The following SESTD1 variants were observed in gnomAD, a reference collection of about 807,000 sequenced individuals.
SESTD1 encodes the protein SEC14 and spectrin domain containing 1, also known as SEC14 domain and spectrin repeat-containing protein 1.
Under a neutral mutation model 101.7 loss-of-function variants are expected in SESTD1, and 43 were observed. The ratio of observed to expected loss-of-function variants is 0.42; its 90% CI spans 0.33 to 0.55. The LOEUF is 0.55. Ranked by LOEUF, SESTD1 falls within the 20% of genes least tolerant of loss-of-function variation. The pLI is 0.07. For missense variants in SESTD1, 647 were observed against 815.1 expected, an observed-to-expected ratio of 0.79 and a Z score of 2.51; for synonymous variants, 283 against 286.8, an observed-to-expected ratio of 0.99 and a Z score of 0.13.
At chr2:179,166,829 A>G (rs2045843622) in intron 5 of SESTD1, among the ~76,000 whole-genome samples, 1 of 152,240 alleles carries the variant, frequency 6.6e-6, no homozygotes, top group African/African-American at 2.4e-5. Flanking sequence ...TGGTGCACTG[A>G]GGAAAATAAT....
intron 1 of SESTD1, among the ~76,000 whole-genome samples, chr2:179,227,698 A>G (rs2046909312): frequency 6.6e-6 from 1 of 152,166 alleles, no homozygotes; most frequent in Non-Finnish European, 1.5e-5. Context: ...CTTAGGTAGG[A>G]GGCACCGAAG....
intron 1 of SESTD1, among the ~76,000 whole-genome samples, chr2:179,244,020 AGGC>A (rs2047193906): frequency 6.6e-6 from 1 of 151,358 alleles, no homozygotes; most frequent in African/African-American, 2.4e-5. Context: ...GCTACTTGGG[AGGC>A]TCCAGCAGGA....
chr2:179,115,277 T>A, intron 15 of SESTD1, 21 bp from the exon 16 acceptor site: 1 of 1,539,656 alleles, frequency 6.5e-7, no homozygotes, highest in Non-Finnish European at 8.7e-7. Flanking sequence ...AAAGGAAACA[T>A]AAAATTGTAA....
At chr2:179,154,393 G>C (rs935537901) in intron 5 of SESTD1, among the ~76,000 whole-genome samples, 8 of 152,114 alleles carry the variant, frequency 5.3e-5, no homozygotes, top group African/African-American at 1.9e-4. Context: ...TTACTGGATA[G>C]ACAAATAATA....
At chr2:179,165,011 A>G (rs1013663389) in intron 5 of SESTD1, among the ~76,000 whole-genome samples, 2 of 152,208 alleles carry the variant, frequency 1.3e-5, no homozygotes, top group African/African-American at 4.8e-5. Flanking sequence ...ACCAAGAAAA[A>G]TAATTTGCAA....
At chr2:179,231,740 A>C (rs1433008412) in intron 1 of SESTD1, among the ~76,000 whole-genome samples, 1 of 151,524 alleles carries the variant, frequency 6.6e-6, no homozygotes, top group African/African-American at 2.4e-5. Context: ...AAAATTTAAA[A>C]AATTTAAAAA....
rs199968962 is a variant in SESTD1, at chr2:179,204,111, CAT to C, written c.-25-12247_-25-12246del. On this transcript the variant is annotated intron_variant, in intron 1 of 17. Transcript: ENST00000428443. ...GAGAAATATTGTCATTGAAAAGTTT[CAT>C]ATATATATATACACACACATACACG... Among the ~76,000 whole-genome samples the C allele has an allele frequency of 2.3e-5, 3 of 131,642 alleles. 1 individual carries two copies. The highest frequency in any genetic ancestry group is 6.1e-5 in the African/African-American group (2 of 33,040). The allele number at this position is 131,642 out of a possible 152,430, so 86.4% of individuals were successfully genotyped here.
chr2:179,180,087 A>G (rs2046081192), intron 3 of SESTD1, among the ~76,000 whole-genome samples: 1 of 152,156 alleles, frequency 6.6e-6, no homozygotes, highest in Non-Finnish European at 1.5e-5. Context: ...AATATCCAAA[A>G]TACTGTACAC....
intron 1 of SESTD1, among the ~76,000 whole-genome samples, chr2:179,253,685 T>C (rs187004671): frequency 8.5e-5 from 13 of 152,184 alleles, no homozygotes; most frequent in Non-Finnish European, 4.4e-5. Flanking sequence ...CATATGCATA[T>C]ATATAAAATA....
At chr2:179,146,042 G>GC (rs1477847774) in intron 8 of SESTD1, among the ~76,000 whole-genome samples, 3 of 150,772 alleles carry the variant, frequency 2.0e-5, no homozygotes, top group Admixed American at 2.0e-4. Context: ...CAGGAGGTGA[G>GC]CGGCAGGCCA....
intron 1 of SESTD1, among the ~76,000 whole-genome samples, chr2:179,228,660 C>G (rs2046927624): frequency 6.6e-6 from 1 of 152,192 alleles, no homozygotes; most frequent in Non-Finnish European, 1.5e-5. Context: ...AGTTTCATAA[C>G]TCATGGGTTA....
intron 1 of SESTD1, among the ~76,000 whole-genome samples, chr2:179,241,831 A>T (rs893489667): frequency 6.6e-6 from 1 of 151,790 alleles, no homozygotes. Context: ...CTGAGGCAGG[A>T]GAATGGCATG....
chr2:179,264,249 G>A (rs1481513400), intron 1 of SESTD1: 1 of 152,060 alleles, frequency 6.6e-6, no homozygotes, highest in Non-Finnish European at 1.5e-5. Context: ...CGGCCCGCAG[G>A]GCTCCCACCT....
chr2:179,254,068 T>G (rs1350744259), intron 1 of SESTD1, among the ~76,000 whole-genome samples: 1 of 151,768 alleles, frequency 6.6e-6, no homozygotes, highest in Non-Finnish European at 1.5e-5. Flanking sequence ...CCACTGCACT[T>G]CAGCCTGGGT....
In SESTD1 at chr2:179,112,130, A is replaced by G. The variant is rs577014606; in HGVS notation, c.1961+594T>C. ...AAGATAATCAGGACCCCATTCCTTC[A>G]CACATAAAGAAATTAGAACGCCATA... is the stretch of plus-strand genomic sequence containing the variant. On this transcript the variant is annotated intron_variant, in intron 17 of 17. Transcript: ENST00000428443. Among the ~76,000 whole-genome samples the G allele has an allele frequency of 1.1e-4, 17 of 152,302 alleles. No individual in the cohort carries two copies. In the East Asian group the frequency reaches 1.2e-3, roughly 10 times the overall value.
chr2:179,161,016 ATCC>A (rs1185107423), intron 5 of SESTD1, among the ~76,000 whole-genome samples: 1 of 150,882 alleles, frequency 6.6e-6, no homozygotes, highest in Non-Finnish European at 1.5e-5. Flanking sequence ...AGCTCAAGTG[ATCC>A]TCCCTTCTCA....
chr2:179,112,680 G>C, intron 17 of SESTD1, 44 bp downstream of exon 17: 1 of 1,536,610 alleles, frequency 6.5e-7, no homozygotes, highest in Non-Finnish European at 8.7e-7. Flanking sequence ...TTCACTTTAA[G>C]ACCACACCAA....
intron 17 of SESTD1, among the ~76,000 whole-genome samples, chr2:179,111,919 C>T (rs1273439685): frequency 2.6e-5 from 4 of 151,998 alleles, no homozygotes; most frequent in Non-Finnish European, 5.9e-5. Flanking sequence ...TGGGTTTTCA[C>T]CGTGTTAGCC....
chr2:179,147,505 G>A (rs557518399), intron 7 of SESTD1, among the ~76,000 whole-genome samples: 245 of 152,156 alleles, frequency 1.6e-3, no homozygotes, highest in South Asian at 0.015. Context: ...GGGACTACAG[G>A]TGCGTGCCAC....
Sources: gnomAD v4.1 joint callset for allele counts (sites outside exome capture counted in the v4.1 genomes callset) on GRCh38, gnomAD v4.1.1 for gene constraint, MANE v1.5 for transcripts, NCBI Gene and HGNC (gene_info 2026-07-23, HGNC 2026-07-21) for gene names.